The following EIF3C variants were observed in gnomAD, a reference collection of about 807,000 sequenced individuals.
EIF3C encodes the protein eukaryotic translation initiation factor 3 subunit C.
Under a neutral mutation model 11.1 loss-of-function variants are expected in EIF3C, and 2 were observed. The ratio of observed to expected loss-of-function variants is 0.18; its 90% CI spans 0.07 to 0.57. EIF3C has a LOEUF of 0.57. Ranked by LOEUF, EIF3C falls within the 20% of genes least tolerant of loss-of-function variation. The pLI is 0.92. For synonymous variants in EIF3C, 2 were observed against 41.5 expected, an observed-to-expected ratio of 0.05 and a Z score of 3.66; for missense variants, 16 against 114.6, an observed-to-expected ratio of 0.14 and a Z score of 3.93.
rs1350324084 is a variant in EIF3C at position 28,689,200 on chromosome 16, C to T, written c.-31+372C>T. ...CTGGGATTACAGGCGTGAGCCACCA[C>T]GCCCGGCCCCATGGGTGTTTTTTAG... is the stretch of plus-strand genomic sequence containing the variant. On this transcript the variant is annotated intron_variant, in intron 1 of 20. Coordinates refer to the EIF3C transcript ENST00000566501. 4.1e-5 allele frequency among the ~76,000 whole-genome samples: 2 copies of T among 48,330 alleles called. 1 individual carries two copies. The highest frequency in any genetic ancestry group is 7.2e-5 in the Non-Finnish European group (2 of 27,818). 31.7% of individuals were successfully genotyped at this position (48,330 alleles called of 152,430 possible). A position where few individuals can be genotyped will look rare whatever the true frequency, so the allele number is the denominator to read the frequency against.
rs1196795888 is a variant in EIF3C at position 28,691,246 on chromosome 16, G to A, written c.-31+2418G>A. 5.6e-5 allele frequency among the ~76,000 whole-genome samples: 2 copies of A among 35,610 alleles called. 1 individual carries two copies. Among genetic ancestry groups the A allele is most frequent in the Non-Finnish European group, 8.6e-5 (2 of 23,300 alleles). 23.4% of individuals were successfully genotyped at this position (35,610 alleles called of 152,430 possible). A position where few individuals can be genotyped will look rare whatever the true frequency, so the allele number is the denominator to read the frequency against. ...GGAGCAGAAAAAGCCTTTGTTGGAC[G>A]AATTTACAAAGCTTGTGCAAATGTA... On this transcript the variant is annotated intron_variant, in intron 1 of 20. Coordinates refer to the EIF3C transcript ENST00000566501.
intron 16 of EIF3C, among the ~76,000 whole-genome samples, chr16:28,732,565 CG>C (rs1443788198): frequency 4.7e-5 from 4 of 84,658 alleles, no homozygotes; most frequent in Non-Finnish European, 9.6e-5. Flanking sequence ...AAGAGGCTAA[CG>C]TTGATTCCTT....
At chr16:28,700,601 A>T in intron 1 of EIF3C, 1 of 261,414 alleles carries the variant, frequency 3.8e-6, no homozygotes, top group South Asian at 5.4e-5. Context: ...TGCTTTCTAG[A>T]CGCGCAGCTT....
intron 15 of EIF3C, among the ~76,000 whole-genome samples, chr16:28,728,557 C>T (rs112732807): frequency 1.8e-5 from 2 of 113,832 alleles, no homozygotes; most frequent in Admixed American, 9.0e-5. Context: ...TGTTTTGAGA[C>T]AGAGTCTCGC....
intron 15 of EIF3C, among the ~76,000 whole-genome samples, chr16:28,729,029 A>C (rs1012129210): frequency 7.0e-5 from 2 of 28,390 alleles, no homozygotes; most frequent in African/African-American, 2.7e-4. Context: ...ATTGAGTTGT[A>C]GGAGTGCCTT....
chr16:28,698,293 C>A, intron 1 of EIF3C, among the ~76,000 whole-genome samples: 1 of 114,572 alleles, frequency 8.7e-6, no homozygotes, highest in Non-Finnish European at 1.9e-5. Context: ...GGGTGGCTGG[C>A]CAGGCTGAGG....
At chr16:28,707,078 CTTTTT>C (rs1165801182), upstream of EIF3C, among the ~76,000 whole-genome samples, 10 of 21,402 alleles carry the variant, frequency 4.7e-4, no homozygotes, top group African/African-American at 2.6e-3. Context: ...TTTTCTTTCC[CTTTTT>C]TTTTTTTTTT....
Position 28,697,802 on chromosome 16 carries a change from G to A in EIF3C, c.-31+8974G>A, listed in dbSNP as rs1489187358. ...CGCCCCTCACCTCCCGGATGGGGCG[G>A]CTCGCCGGGCAGGGGGGCTGACCCC... On this transcript the variant is annotated intron_variant, in intron 1 of 20. Transcript: ENST00000566501. 1.6e-4 allele frequency among the ~76,000 whole-genome samples: 15 copies of A among 96,284 alleles called. 4 individuals are homozygous for A. The highest frequency in any genetic ancestry group is 2.3e-4 in the Non-Finnish European group (12 of 52,260). 63.2% of individuals were successfully genotyped at this position (96,284 alleles called of 152,430 possible).
Position 28,699,443 on chromosome 16 carries a change from G to C in EIF3C, c.-31+10615G>C, listed in dbSNP as rs1359502577. 2.9e-5 allele frequency among the ~76,000 whole-genome samples: 3 copies of C among 102,132 alleles called. 1 individual carries two copies. Among genetic ancestry groups the C allele is most frequent in the Admixed American group, 9.4e-5 (1 of 10,616 alleles). The allele number at this position is 102,132 out of a possible 152,430, so 67.0% of individuals were successfully genotyped here. A position where few individuals can be genotyped will look rare whatever the true frequency, so the allele number is the denominator to read the frequency against. On this transcript the variant is annotated intron_variant, in intron 1 of 20. Coordinates refer to the EIF3C transcript ENST00000566501. ...TCCAGCTTCGGCTCCGCATGAGAGG[G>C]AGACCGTGGGGAGAGGGAGACGGAG...
At position 28,695,967 on chromosome 16, in the gene EIF3C, C is replaced by T. The variant is rs1318192819; in HGVS notation, c.-31+7139C>T. Among the ~76,000 whole-genome samples, 4 of 49,716 alleles carry T rather than the reference C, an allele frequency of 8.0e-5. 2 individuals are homozygous for T. The East Asian group carries it at 1.6e-3, about 19-fold the overall frequency. The allele number at this position is 49,716 out of a possible 152,430, so 32.6% of individuals were successfully genotyped here. ...TCATCCTACTGCACTCCAGCCTGGGCAACAGAGGGAGACTCTGTCTCAAAG... is the reference window on the plus strand; with the variant it reads ...TCATCCTACTGCACTCCAGCCTGGGTAACAGAGGGAGACTCTGTCTCAAAG... On this transcript the variant is annotated intron_variant, in intron 1 of 20. Transcript: ENST00000566501.
Position 28,695,772 on chromosome 16 carries a change from G to A in EIF3C, c.-31+6944G>A, listed in dbSNP as rs371360168. Among the ~76,000 whole-genome samples the A allele has an allele frequency of 5.7e-3, 289 of 50,976 alleles. 110 individuals carry two copies. In the East Asian group the frequency reaches 0.09, roughly 16 times the overall value. 33.4% of individuals were successfully genotyped at this position (50,976 alleles called of 152,430 possible). A position where few individuals can be genotyped will look rare whatever the true frequency, so the allele number is the denominator to read the frequency against. On this transcript the variant is annotated intron_variant, in intron 1 of 20. Coordinates refer to the EIF3C transcript ENST00000566501. ...TGGGAGGCCAAGGCAGGCGGATCAC[G>A]AGGTCAGGAGATTGAGACCATCCTG...
rs1215739130 is a variant in EIF3C at position 28,697,792 on chromosome 16, G to C, written c.-31+8964G>C. Among the ~76,000 whole-genome samples the C allele has an allele frequency of 6.2e-5, 6 of 97,266 alleles. 2 individuals carry two copies. Among genetic ancestry groups the C allele is most frequent in the African/African-American group, 3.3e-4 (5 of 15,178 alleles). 63.8% of individuals were successfully genotyped at this position (97,266 alleles called of 152,430 possible). On this transcript the variant is annotated intron_variant, in intron 1 of 20. Coordinates refer to the EIF3C transcript ENST00000566501. ...CGGGCAGAGGCGCCCCTCACCTCCC[G>C]GATGGGGCGGCTCGCCGGGCAGGGG...
intron 1 of EIF3C, among the ~76,000 whole-genome samples, chr16:28,700,021 C>T (rs1412068390): frequency 2.6e-5 from 1 of 37,956 alleles, no homozygotes; most frequent in African/African-American, 1.1e-4. Flanking sequence ...TGCCCCTCCC[C>T]GGGCCCCTGG....
In EIF3C at chr16:28,699,566, C is replaced by T. The variant is rs1334077296; in HGVS notation, c.-31+10738C>T. Among the ~76,000 whole-genome samples, 3 of 102,090 alleles carry T rather than the reference C, an allele frequency of 2.9e-5. 1 individual carries two copies. The highest frequency in any genetic ancestry group is 4.5e-5 in the African/African-American group (1 of 22,070). The allele number at this position is 102,090 out of a possible 152,430, so 67.0% of individuals were successfully genotyped here. A position where few individuals can be genotyped will look rare whatever the true frequency, so the allele number is the denominator to read the frequency against. Reference sequence around the variant, plus strand: ...ATCCTCCAACTTTTTTTTTTGGAGACGGAGTCTCGCTCTGTTGCTCAGACT... The same window carrying T: ...ATCCTCCAACTTTTTTTTTTGGAGATGGAGTCTCGCTCTGTTGCTCAGACT... On this transcript the variant is annotated intron_variant, in intron 1 of 20. Transcript: ENST00000566501.
rs1410947583 is a variant in EIF3C at position 28,723,289 on chromosome 16, G to A, written c.902G>A (p.Trp301Ter). Residue 301 changes from tryptophan to a stop codon, truncating the protein, a stop_gained, in exon 9 of 21, where the codon TGG becomes TAG. Transcript: ENST00000331666. LOFTEE classifies it high-confidence loss of function. ...GAGGAGGACAATGAAGGCGGGGAGT[G>A]GGAAAGGGTCCGGGGCGGAGTGCCG... Reference protein sequence around the residue: ...EEEEDNEGGEWERVRGGVPLV... With the variant: ...EEEEDNEGGE The A allele has an allele frequency of 6.2e-7, 1 of 1,614,184 alleles. No individual in the cohort carries two copies. Among genetic ancestry groups the A allele is most frequent in the Non-Finnish European group, 8.5e-7 (1 of 1,180,068 alleles).
intron 1 of EIF3C, chr16:28,700,793 C>A (rs1229533885): frequency 8.7e-6 from 1 of 114,468 alleles, no homozygotes; most frequent in Non-Finnish European, 1.6e-5. Context: ...ACCACCTGCT[C>A]CATGAGGGCG....
chr16:28,700,899 G>A (rs1349395241), intron 1 of EIF3C: 2 of 224,136 alleles, frequency 8.9e-6, no homozygotes, highest in Admixed American at 1.2e-4. Flanking sequence ...TGCTAAAGCC[G>A]TCTTTTCTTT....
Position 28,689,275 on chromosome 16 carries a change from T to G in EIF3C, c.-31+447T>G, listed in dbSNP as rs113119719. ...CACAATCCCCTGTAAATAGTTCATT[T>G]TTCTGTTAAAACTTCCCTGTTTAAA... On this transcript the variant is annotated intron_variant, in intron 1 of 20. Coordinates refer to the EIF3C transcript ENST00000566501. 4.0e-4 allele frequency among the ~76,000 whole-genome samples: 20 copies of G among 50,424 alleles called. 3 individuals carry two copies. The highest frequency in any genetic ancestry group is 1.5e-3 in the Admixed American group (7 of 4,526). The allele number at this position is 50,424 out of a possible 152,430, so 33.1% of individuals were successfully genotyped here.
chr16:28,723,409 C>G (rs2048361337), intron 9 of EIF3C, 39 bp from the exon 10 acceptor site: 1 of 1,612,504 alleles, frequency 6.2e-7, no homozygotes, highest in Non-Finnish European at 8.5e-7. Context: ...AGGACAGTTT[C>G]CCGCTGGCAT....
Sources: allele counts gnomAD v4.1 joint callset (sites outside exome capture counted in the v4.1 genomes callset), GRCh38; gene constraint gnomAD v4.1.1; transcripts MANE v1.5; gene names NCBI Gene and HGNC (gene_info 2026-07-23, HGNC 2026-07-21).